Variants in TKFC observed in about 807,000 individuals in gnomAD.
TKFC encodes the protein triokinase/FMN cyclase.
A neutral mutation model predicts 61.0 loss-of-function variants in TKFC; 46 were observed. The ratio of observed to expected loss-of-function variants is 0.75; its 90% CI spans 0.60 to 0.96. TKFC has a LOEUF of 0.96. Ranked by LOEUF, TKFC falls within the 50% of genes least tolerant of loss-of-function variation. The pLI is 0.00. For missense variants in TKFC, 715 were observed against 777.5 expected, an observed-to-expected ratio of 0.92 and a Z score of 0.96; for synonymous variants, 314 against 330.1, an observed-to-expected ratio of 0.95 and a Z score of 0.53.
chr11:61,346,079 C>T lies in TKFC; in HGVS notation c.1575+133C>T. 1.8e-6 allele frequency: 2 copies of T among 1,137,512 alleles called. No homozygotes were observed. The highest frequency in any genetic ancestry group is 2.6e-5 in the Admixed American group (1 of 39,190). The allele number at this position is 1,137,512 out of a possible 1,614,324, so 70.5% of individuals were successfully genotyped here. Reference sequence around the variant, plus strand: ...CTTCTCTGTACAATGGAGATGAGCACCTATCTCAGAAGGTGGTTATGTGGC... The same window carrying T: ...CTTCTCTGTACAATGGAGATGAGCATCTATCTCAGAAGGTGGTTATGTGGC... On this transcript the variant is annotated intron_variant, in intron 17 of 17. Coordinates refer to ENST00000394900, the MANE Select transcript of TKFC (RefSeq NM_015533.4). This position sits in a 1 kb window ranked among gnomAD's most constrained non-coding sequence, Gnocchi z 4.1.
chr11:61,352,854 T>G (rs1424355357), downstream of TKFC: 19 of 1,521,456 alleles, frequency 1.2e-5, no homozygotes, highest in Non-Finnish European at 1.6e-5. Flanking sequence ...TTCTGTTACC[T>G]TCCAGATCAG....
downstream of TKFC, chr11:61,350,484 A>C (rs1565065015): frequency 1.3e-6 from 2 of 1,592,978 alleles, no homozygotes; most frequent in African/African-American, 2.7e-5. Context: ...ACCAGGCCCA[A>C]GCTGTTCAGA....
downstream of TKFC, chr11:61,350,141 G>C (rs11230671): frequency 0.014 from 8,456 of 588,044 alleles, 302 homozygotes; most frequent in African/African-American, 0.09. Flanking sequence ...CCAGCACCCA[G>C]GCAAAGCCAC....
intron 2 of TKFC, 124 bp from the exon 3 acceptor site, chr11:61,337,817 C>G (rs1233362186): frequency 1.0e-5 from 9 of 877,954 alleles, no homozygotes; most frequent in Non-Finnish European, 1.0e-5. Context: ...TCAAGGAAGT[C>G]CTGTGCTCCT....
At position 61,342,809 on chromosome 11, in the gene TKFC, T is replaced by C. The variant is rs1856925219; in HGVS notation, c.830T>C (p.Leu277Pro). Residue 277 changes from leucine to proline, a missense_variant, in exon 10 of 18, where the codon CTG becomes CCG. Transcript: ENST00000394900. ...CTGGGTGGCCTGTCATTCCTGGAAC[T>C]GGGCATCATAGCCGACGCTACCGTC... ...NNLGGLSFLE[L>P]GIIADATVRS... The C allele has an allele frequency of 3.7e-6, 6 of 1,613,944 alleles. No homozygotes were observed. The highest frequency in any genetic ancestry group is 5.1e-6 in the Non-Finnish European group (6 of 1,179,974).
chr11:61,339,421 G>T lies in TKFC; in HGVS notation c.472G>T (p.Val158Leu). ...KAGRRGLCGT[V>L]LIHKVAGALA... Reference sequence around the variant, plus strand: ...AGGCCGGCGGGGGCTGTGCGGCACGGTGCTTATACACAAGGTGGGCTTCCA... The same window carrying T: ...AGGCCGGCGGGGGCTGTGCGGCACGTTGCTTATACACAAGGTGGGCTTCCA... The change falls in exon 5 of 18, where the codon GTG (valine) becomes TTG (leucine). Residue 158 changes from valine (V) to leucine (L), a missense_variant. Physicochemically the swap from Val to Leu is conservative, Grantham distance 32. Coordinates refer to ENST00000394900, the MANE Select transcript of TKFC (RefSeq NM_015533.4). 6.2e-7 allele frequency: 1 copy of T among 1,608,840 alleles called. No individual in the cohort carries two copies. Among genetic ancestry groups the T allele is most frequent in the Non-Finnish European group, 8.5e-7 (1 of 1,177,636 alleles).
rs1382373909 is a variant in TKFC at position 61,343,946 on chromosome 11, A to G, written c.1073A>G (p.Gln358Arg). The change falls in exon 12 of 18, where the codon CAG (glutamine) becomes CGG (arginine). Residue 358 changes from glutamine to arginine, a missense_variant. By Grantham distance (43) the Gln-to-Arg change is conservative (BLOSUM62 1). Transcript: ENST00000394900. Reference sequence around the variant, plus strand: ...AGCCGGGTAGCCCCTGCCGAGCCCCAGGAGGCCCCTGATTCCACTGCTGCA... The same window carrying G: ...AGCCGGGTAGCCCCTGCCGAGCCCCGGGAGGCCCCTGATTCCACTGCTGCA... ...KRSRVAPAEP[Q>R]EAPDSTAAGG... 7 of 1,611,658 alleles carry G rather than the reference A, an allele frequency of 4.3e-6. No homozygotes were observed. Among genetic ancestry groups the G allele is most frequent in the Non-Finnish European group, 5.9e-6 (7 of 1,179,982 alleles).
In TKFC at chr11:61,345,466, A is replaced by G. The variant is rs775508058; in HGVS notation, c.1352A>G (p.Tyr451Cys). Residue 451 changes from tyrosine to cysteine, a missense_variant, in exon 15 of 18, where the codon TAT becomes TGT. Coordinates refer to ENST00000394900, the MANE Select transcript of TKFC (RefSeq NM_015533.4). ...CAGCGTTGTCATCTTCCCCAGCTCT[A>G]TGGCCTGTTCCTGACTGCGGCTGCA... ...EKMGGSSGALYGLFLTAAAQP... is the reference protein window; with the variant it reads ...EKMGGSSGALCGLFLTAAAQP... 53 of 1,613,198 alleles carry G rather than the reference A, an allele frequency of 3.3e-5. No individual in the cohort carries two copies. Among genetic ancestry groups the G allele is most frequent in the Non-Finnish European group, 4.3e-5 (51 of 1,179,922 alleles).
At chr11:61,335,345 C>T (rs1282023664) in intron 2 of TKFC, 3 of 153,652 alleles carry the variant, frequency 2.0e-5, no homozygotes, top group African/African-American at 7.2e-5. Flanking sequence ...CAAGCAGAGT[C>T]CTGGAGGCCT....
In TKFC at chr11:61,333,260, C is replaced by T. The variant is rs1019213313; in HGVS notation, c.-179C>T. On this transcript the variant is annotated 5_prime_UTR_variant, in exon 1 of 18. It adds an upstream start codon to the 5' untranslated region. Coordinates refer to ENST00000394900, the MANE Select transcript of TKFC (RefSeq NM_015533.4). ...CCCGCAGGACCCGGATGAGAGCGCA[C>T]GCTTCGGGGTCTCCGGGAAGTCGCG... 3.7e-5 allele frequency: 11 copies of T among 298,414 alleles called. No individual in the cohort carries two copies. Among genetic ancestry groups the T allele is most frequent in the Admixed American group, 1.5e-4 (3 of 19,510 alleles). The allele number at this position is 298,414 out of a possible 1,614,324, so 18.5% of individuals were successfully genotyped here.
chr11:61,342,988 G>A, intron 10 of TKFC, 144 bp downstream of exon 10: 1 of 795,068 alleles, frequency 1.3e-6, no homozygotes, highest in African/African-American at 1.7e-5. Context: ...GATACCTTGA[G>A]CCTCTGTTTG....
chr11:61,353,331 T>C, downstream of TKFC: 1 of 720,574 alleles, frequency 1.4e-6, no homozygotes, highest in Admixed American at 2.9e-5. Flanking sequence ...GAACAGTAAA[T>C]GACATGCTTA....
rs1335800253 is a variant in TKFC, at chr11:61,345,286, C to T, written c.1267C>T (p.Pro423Ser). ...RAIQEWLKEG[P>S]PPASPAQLLS... ...AATCCAGGAGTGGCTGAAGGAGGGC[C>T]CACCCCCTGCCAGCCCTGCCCAGCT... Residue 423 changes from proline to serine, a missense_variant, in exon 14 of 18, where the codon CCA (proline) becomes TCA (serine). Transcript: ENST00000394900. The T allele has an allele frequency of 1.3e-6, 2 of 1,590,222 alleles. No homozygotes were observed. Among genetic ancestry groups the T allele is most frequent in the Non-Finnish European group, 8.6e-7 (1 of 1,166,134 alleles).
rs370237823 is a variant in TKFC at position 61,342,445 on chromosome 11, C to T, written c.656-16C>T. On this transcript the variant is annotated splice_polypyrimidine_tract_variant and intron_variant, in intron 7 of 17. Coordinates refer to ENST00000394900, the MANE Select transcript of TKFC (RefSeq NM_015533.4). ...CAGGCCTTGAGTGGGTCAGCAGTGACCACATCTATCCGCAGGGATCCACGG... is the reference window on the plus strand; with the variant it reads ...CAGGCCTTGAGTGGGTCAGCAGTGATCACATCTATCCGCAGGGATCCACGG... 3.1e-6 allele frequency: 5 copies of T among 1,613,854 alleles called. No homozygotes were observed. In the African/African-American group the frequency reaches 6.7e-5, roughly 22 times the overall value.
At chr11:61,351,202 C>T, downstream of TKFC, 6 of 1,534,732 alleles carry the variant, frequency 3.9e-6, no homozygotes, top group Non-Finnish European at 5.3e-6. Flanking sequence ...CTATTTTTGT[C>T]TAGTGGGAGA....
In TKFC at chr11:61,339,139, C is replaced by T. The variant is rs765371179; in HGVS notation, c.267C>T (p.Ile89=). Reference sequence around the variant, plus strand: ...TCACCTCCCCGGCAGTGGGCAGCATCCTGGCAGCCATCAGGGCCGTGGCCC... The same window carrying T: ...TCACCTCCCCGGCAGTGGGCAGCATTCTGGCAGCCATCAGGGCCGTGGCCC... ...AVFTSPAVGS[I]LAAIRAVAQA... Residue 89 remains isoleucine, a synonymous_variant, in exon 4 of 18, where the codon ATC becomes ATT. Transcript: ENST00000394900. The T allele has an allele frequency of 4.3e-6, 7 of 1,613,822 alleles. No homozygotes were observed. Among genetic ancestry groups the T allele is most frequent in the Non-Finnish European group, 5.9e-6 (7 of 1,180,006 alleles).
downstream of TKFC, chr11:61,353,148 A>C (rs1453929450): frequency 4.4e-6 from 7 of 1,595,544 alleles, no homozygotes; most frequent in Non-Finnish European, 6.0e-6. Context: ...CACTGTGGAC[A>C]AAAGGGAGGA....
intron 13 of TKFC, 120 bp from the exon 14 acceptor site, chr11:61,345,140 C>A: frequency 2.4e-6 from 2 of 818,084 alleles, no homozygotes; most frequent in Non-Finnish European, 1.9e-6. Flanking sequence ...GGAAAGGGAT[C>A]TTGGGAAGCC....
In TKFC at chr11:61,333,291, T is replaced by C; in HGVS notation, c.-148T>C. 1 of 237,188 alleles carries C rather than the reference T, an allele frequency of 4.2e-6. No homozygotes were observed. Among genetic ancestry groups the C allele is most frequent in the Non-Finnish European group, 8.1e-6 (1 of 123,348 alleles). 14.7% of individuals were successfully genotyped at this position (237,188 alleles called of 1,614,324 possible). On this transcript the variant is annotated 5_prime_UTR_variant, in exon 1 of 18. Transcript: ENST00000394900. ...GGGGTCTCCGGGAAGTCGCGGCGCC[T>C]TCGGATGTGGCGGATGCGGCCGTGA...
Sources: gnomAD v4.1 joint callset for allele counts on GRCh38, gnomAD v4.1.1 for gene constraint, Gnocchi (gnomAD v3.1) non-coding constraint, MANE v1.5 for transcripts, NCBI Gene and HGNC (gene_info 2026-07-23, HGNC 2026-07-21) for gene names.